The following NARF variants were observed in gnomAD, a reference collection of about 807,000 sequenced individuals.
NARF encodes the protein nuclear prelamin A recognition factor.
In NARF, 41 loss-of-function variants were observed where a neutral mutation model predicts 48.0. The observed-to-expected ratio is 0.85, with a 90% CI of 0.66 to 1.11. The LOEUF is 1.11. Ranked by LOEUF, NARF falls within the 50% of genes least tolerant of loss-of-function variation. The pLI is 0.00. For missense variants in NARF, 613 were observed against 590.2 expected, an observed-to-expected ratio of 1.04 and a Z score of -0.40; for synonymous variants, 215 against 225.5, an observed-to-expected ratio of 0.95 and a Z score of 0.42.
In NARF at chr17:82,489,829, A is replaced by AT. The variant is rs72188578; in HGVS notation, c.*1688dup. 0.066 allele frequency: 9,641 copies of AT among 145,702 alleles called. 338 individuals are homozygous for AT. The highest frequency in any genetic ancestry group is 0.11 in the Admixed American group (1,665 of 14,648). The allele number at this position is 145,702 out of a possible 1,614,324, so 9.0% of individuals were successfully genotyped here. On this transcript the variant is annotated 3_prime_UTR_variant, in exon 11 of 11. Coordinates refer to ENST00000309794, the MANE Select transcript of NARF (RefSeq NM_012336.4). ...TACATGGGAGACTCTGTCTCTACAA[A>AT]TTTTTTTTTTTTTTTTGAGACAGAG... is the stretch of plus-strand genomic sequence containing the variant.
At chr17:82,459,227 G>T in intron 1 of NARF, 1 of 1,006,124 alleles carries the variant, frequency 9.9e-7, no homozygotes, top group Non-Finnish European at 1.2e-6. Flanking sequence ...GTGCAGGGGC[G>T]GAAGCGGGTG....
rs2043631705 is a variant in NARF, at chr17:82,468,783, A to G, written c.272A>G (p.His91Arg). 2 of 1,613,864 alleles carry G rather than the reference A, an allele frequency of 1.2e-6. No individual in the cohort carries two copies. Among genetic ancestry groups the G allele is most frequent in the Admixed American group, 3.3e-5 (2 of 59,984 alleles). ...NLNKKCDTSK[H>R]KVLVVSVCPQ... is the part of the protein sequence containing the mutation. ...TTCTAGAAATGTGATACCTCAAAGCACAAAGTGCTGGTAGTGTCTGTGTGT... is the reference window on the plus strand; with the variant it reads ...TTCTAGAAATGTGATACCTCAAAGCGCAAAGTGCTGGTAGTGTCTGTGTGT... Residue 91 changes from histidine to arginine, a missense_variant, in exon 4 of 11, where the codon CAC becomes CGC. His to Arg is a conservative substitution (Grantham distance 29). Coordinates refer to ENST00000309794, the MANE Select transcript of NARF (RefSeq NM_012336.4).
chr17:82,482,100 G>C, intron 7 of NARF: 1 of 300,116 alleles, frequency 3.3e-6, no homozygotes, highest in South Asian at 2.5e-5. Context: ...GGAAGCTTAA[G>C]ACTTTGTTAA....
chr17:82,480,289 G>GCGCA (rs373361009), intron 6 of NARF: 49 of 377,358 alleles, frequency 1.3e-4, no homozygotes, highest in Middle Eastern at 7.2e-4. Flanking sequence ...GCCAGCGCGC[G>GCGCA]CACACACACA....
chr17:82,466,936 A>T (rs1193711629), intron 3 of NARF, among the ~76,000 whole-genome samples: 1 of 149,550 alleles, frequency 6.7e-6, no homozygotes, highest in Non-Finnish European at 1.5e-5. Context: ...CAAGTGATCC[A>T]CCTGCCTTGG....
At chr17:82,466,678 C>G (rs915914290) in intron 3 of NARF, among the ~76,000 whole-genome samples, 2 of 152,132 alleles carry the variant, frequency 1.3e-5, no homozygotes, top group African/African-American at 4.8e-5. Flanking sequence ...GTCTCGAACT[C>G]CTGACCTCAA....
chr17:82,464,027 T>G, intron 2 of NARF: 1 of 422,262 alleles, frequency 2.4e-6, no homozygotes. Flanking sequence ...GTGACAGTGC[T>G]AGGGCTGGGT....
chr17:82,459,865 T>TA (rs57897512), intron 1 of NARF, 127 bp from the exon 2 acceptor site: 4 of 752,146 alleles, frequency 5.3e-6, no homozygotes, highest in Non-Finnish European at 8.3e-6. Context: ...AGACTCCGTC[T>TA]AAAAAAATAA....
intron 8 of NARF, chr17:82,483,993 C>T (rs759375105): frequency 8.9e-5 from 48 of 540,658 alleles, no homozygotes; most frequent in East Asian, 1.6e-4. Context: ...GAAGGTTTGG[C>T]GGGCTTCCAT....
intron 5 of NARF, among the ~76,000 whole-genome samples, chr17:82,473,103 A>G (rs1226225431): frequency 6.6e-6 from 1 of 151,000 alleles, no homozygotes; most frequent in Non-Finnish European, 1.5e-5. Context: ...ACTGCACCCA[A>G]CTAATTATTG....
chr17:82,469,380 TAAAA>T (rs926725409), intron 4 of NARF, among the ~76,000 whole-genome samples: 11 of 152,302 alleles, frequency 7.2e-5, no homozygotes, highest in African/African-American at 2.6e-4. Context: ...AAGAATATAA[TAAAA>T]GAACTCGGAT....
chr17:82,480,671 G>A (rs1478162684), intron 6 of NARF: 7 of 433,558 alleles, frequency 1.6e-5, no homozygotes, highest in East Asian at 6.7e-5. Flanking sequence ...GATGGCTCAC[G>A]CCTGTAATTC....
At position 82,489,795 on chromosome 17, in the gene NARF, A is replaced by C. The variant is rs1599861806; in HGVS notation, c.*1638A>C. ...CAAGGTGGGAGGATTGCTGGAGTCC[A>C]GGAGTTTCTACATGGGAGACTCTGT... On this transcript the variant is annotated 3_prime_UTR_variant, in exon 11 of 11. Coordinates refer to ENST00000309794, the MANE Select transcript of NARF (RefSeq NM_012336.4). The C allele has an allele frequency of 6.6e-6, 1 of 152,186 alleles. No individual in the cohort carries two copies. Among genetic ancestry groups the C allele is most frequent in the East Asian group, 1.9e-4 (1 of 5,162 alleles). The allele number at this position is 152,186 out of a possible 1,614,324, so 9.4% of individuals were successfully genotyped here.
intron 2 of NARF, among the ~76,000 whole-genome samples, chr17:82,461,725 G>C (rs1217944968): frequency 1.3e-5 from 2 of 152,228 alleles, no homozygotes; most frequent in Admixed American, 1.3e-4. Context: ...GAGAGGTTAA[G>C]GTCAGTCTAC....
intron 4 of NARF, among the ~76,000 whole-genome samples, chr17:82,470,284 T>A (rs2043668803): frequency 6.6e-6 from 1 of 151,942 alleles, no homozygotes; most frequent in Non-Finnish European, 1.5e-5. Flanking sequence ...TGCCCACACG[T>A]TAGGTCGCTC....
intron 5 of NARF, among the ~76,000 whole-genome samples, chr17:82,477,304 G>A (rs2043855633): frequency 6.6e-6 from 1 of 151,704 alleles, no homozygotes; most frequent in South Asian, 2.1e-4. Context: ...AAGAGTTCGA[G>A]ACCAGCCTGA....
intron 2 of NARF, 134 bp downstream of exon 2, chr17:82,460,206 T>A: frequency 1.4e-6 from 1 of 715,520 alleles, no homozygotes; most frequent in South Asian, 1.9e-5. Flanking sequence ...GGCTCACGCC[T>A]GGAATCCCAG....
chr17:82,470,292 C>G (rs1299539042), intron 4 of NARF, among the ~76,000 whole-genome samples: 1 of 152,214 alleles, frequency 6.6e-6, no homozygotes. Context: ...CGTTAGGTCG[C>G]TCCTTCATGC....
intron 7 of NARF, chr17:82,482,430 G>A (rs1054366768): frequency 1.1e-4 from 20 of 176,484 alleles, no homozygotes; most frequent in Non-Finnish European, 2.2e-4. Flanking sequence ...TAAAACATGC[G>A]CGGTGGGCTG....
Sources: allele counts gnomAD v4.1 joint callset (sites outside exome capture counted in the v4.1 genomes callset), GRCh38; gene constraint gnomAD v4.1.1; transcripts MANE v1.5; gene names NCBI Gene and HGNC (gene_info 2026-07-23, HGNC 2026-07-21).